The following PHLPP2 variants were observed in gnomAD, a reference collection of about 807,000 sequenced individuals.
PHLPP2 encodes the protein PH domain and leucine rich repeat protein phosphatase 2, also known as PH domain leucine-rich repeat-containing protein phosphatase 2.
Under a neutral mutation model 124.9 loss-of-function variants are expected in PHLPP2, and 66 were observed. That is an observed-to-expected ratio of 0.53 (90% CI 0.43 to 0.65). The LOEUF is 0.65. Among genes scored for constraint, PHLPP2 ranks in the 30% least tolerant of loss-of-function variants. The pLI, the probability that PHLPP2 is intolerant of heterozygous loss-of-function variation, is 0.00. For missense variants in PHLPP2, 1,685 were observed against 1,600.4 expected (o/e 1.05, Z -0.90); for synonymous variants, 681 against 624.7 (o/e 1.09, Z -1.34).
At chr16:71,655,488 T>A in intron 16 of PHLPP2, 54 bp from the exon 17 acceptor site, 1 of 1,327,114 alleles carries the variant, frequency 7.5e-7, no homozygotes, top group East Asian at 2.3e-5. Flanking sequence ...AAAATATTAT[T>A]CTCCAGGGAG....
Position 71,664,109 on chromosome 16 carries a change from C to G in PHLPP2, c.1785-10G>C. 6.3e-7 allele frequency: 1 copy of G among 1,588,394 alleles called. No homozygotes were observed. Among genetic ancestry groups the G allele is most frequent in the Non-Finnish European group, 8.6e-7 (1 of 1,156,518 alleles). ...ATTCAAGTATCTGAGACTGACAGAA[C>G]ACACACAGATCATCACCTCCTTTAA... On this transcript the variant is annotated splice_polypyrimidine_tract_variant and intron_variant, in intron 12 of 18. Transcript: ENST00000568954.
chr16:71,657,415 G>C (rs2044751331), intron 15 of PHLPP2, among the ~76,000 whole-genome samples: 2 of 146,358 alleles, frequency 1.4e-5, no homozygotes, highest in South Asian at 4.3e-4. Context: ...TCTTTTTTGA[G>C]AAGGAGTCTC....
rs770947677 is a variant in PHLPP2, at chr16:71,681,871, G to A, written c.770C>T (p.Ser257Leu). The A allele has an allele frequency of 3.1e-6, 5 of 1,613,400 alleles. No homozygotes were observed. Among genetic ancestry groups the A allele is most frequent in the Admixed American group, 1.7e-5 (1 of 59,914 alleles). Residue 257 changes from serine to leucine, a missense_variant, in exon 6 of 19, where the codon TCG becomes TTG. Transcript: ENST00000568954. The part of the protein sequence containing the change: ...VSQRISTVDL[S>L]CYSLEEVPEH... ...AGGAACCTCCTCGAGGCTGTAACACGAGAGATCCACGGTACTGATTCGCTG... is the reference window on the plus strand; with the variant it reads ...AGGAACCTCCTCGAGGCTGTAACACAAGAGATCCACGGTACTGATTCGCTG...
At chr16:71,674,160 C>T (rs1003113270) in intron 9 of PHLPP2, among the ~76,000 whole-genome samples, 7 of 151,606 alleles carry the variant, frequency 4.6e-5, no homozygotes, top group South Asian at 2.1e-4. Context: ...TCACTGCAAC[C>T]TCCACCTCCG....
intron 8 of PHLPP2, chr16:71,678,113 G>C (rs1370753358): frequency 6.6e-6 from 1 of 152,212 alleles, no homozygotes; most frequent in African/African-American, 2.4e-5. Flanking sequence ...AGGATTACTT[G>C]AGCCAGGGAG....
At chr16:71,713,991 G>A (rs1213219723) in intron 2 of PHLPP2, among the ~76,000 whole-genome samples, 1 of 148,250 alleles carries the variant, frequency 6.7e-6, no homozygotes, top group African/African-American at 2.5e-5. Flanking sequence ...CCAGGCTGCA[G>A]TGCAGTGGCA....
intron 9 of PHLPP2, among the ~76,000 whole-genome samples, chr16:71,674,353 C>T (rs557959956): frequency 2.7e-5 from 4 of 150,224 alleles, no homozygotes; most frequent in Non-Finnish European, 4.4e-5. Context: ...GTTGGGATTA[C>T]GGGCTTGAGC....
At chr16:71,704,784 T>C (rs925762567) in intron 2 of PHLPP2, among the ~76,000 whole-genome samples, 3 of 152,176 alleles carry the variant, frequency 2.0e-5, no homozygotes, top group Admixed American at 2.0e-4. Context: ...TCTATGACAA[T>C]CTTAGGCATT....
rs750616417 is a variant in PHLPP2, at chr16:71,690,618, A to G, written c.510T>C (p.Ala170=). The change falls in exon 4 of 19, where the codon GCT becomes GCC. Residue 170 remains alanine, a synonymous_variant. Transcript: ENST00000568954. Reference sequence around the variant, plus strand: ...TACCACAGAGGACAACTAGGCGCTCAGCCCACTTATGCAGCTGGGTCTTTC... The same window carrying G: ...TACCACAGAGGACAACTAGGCGCTCGGCCCACTTATGCAGCTGGGTCTTTC... ...RKGKTQLHKW[A]ERLVVLCGTC... 3.1e-6 allele frequency: 5 copies of G among 1,611,756 alleles called. No individual in the cohort carries two copies. The South Asian group carries it at 3.3e-5, about 11-fold the overall frequency.
At chr16:71,678,585 G>C in intron 8 of PHLPP2, 170 bp downstream of exon 8, 1 of 586,064 alleles carries the variant, frequency 1.7e-6, no homozygotes, top group Non-Finnish European at 3.0e-6. Context: ...GACTGCAGTG[G>C]GCCGAGATCG....
At chr16:71,655,201 G>C in intron 17 of PHLPP2, 39 bp downstream of exon 17, 1 of 1,388,190 alleles carries the variant, frequency 7.2e-7, no homozygotes, top group Non-Finnish European at 1.0e-6. Flanking sequence ...TTTTCCAAAA[G>C]TAGAACTGAG....
chr16:71,709,723 C>T (rs2045311201), intron 2 of PHLPP2, among the ~76,000 whole-genome samples: 1 of 152,224 alleles, frequency 6.6e-6, no homozygotes, highest in African/African-American at 2.4e-5. Flanking sequence ...AACCTGAACC[C>T]TCTGAGTCTG....
intron 1 of PHLPP2, chr16:71,723,854 T>C: frequency 8.3e-7 from 1 of 1,205,930 alleles, no homozygotes. Context: ...GGGCCCCGGC[T>C]CCACCTCCCC....
intron 4 of PHLPP2, among the ~76,000 whole-genome samples, chr16:71,689,952 G>C (rs1223922052): frequency 6.6e-6 from 1 of 152,134 alleles, no homozygotes; most frequent in Non-Finnish European, 1.5e-5. Flanking sequence ...GTTTATGACA[G>C]TCAAGATTCA....
chr16:71,710,399 G>A (rs939461815), intron 2 of PHLPP2, among the ~76,000 whole-genome samples: 1 of 152,136 alleles, frequency 6.6e-6, no homozygotes, highest in Admixed American at 6.5e-5. Flanking sequence ...ACATAAAGTA[G>A]TAATGAATAA....
intron 2 of PHLPP2, 68 bp from the exon 3 acceptor site, chr16:71,702,799 G>GTACTTT (rs1555548227): frequency 6.6e-6 from 6 of 913,566 alleles, no homozygotes; most frequent in African/African-American, 1.7e-5. Context: ...TAATTTTTTA[G>GTACTTT]TATTTTTATT....
rs1262948974 is a variant in PHLPP2, at chr16:71,714,612, A to T, written c.184T>A (p.Leu62Ile). 10 of 1,613,986 alleles carry T rather than the reference A, an allele frequency of 6.2e-6. No individual in the cohort carries two copies. Among genetic ancestry groups the T allele is most frequent in the Non-Finnish European group, 8.5e-6 (10 of 1,179,982 alleles). Residue 62 changes from leucine (L) to isoleucine (I), a missense_variant, in exon 2 of 19, where the codon TTA becomes ATA. Coordinates refer to ENST00000568954, the MANE Select transcript of PHLPP2 (RefSeq NM_015020.3). ...TCTACAGTGCAAAGGACGAGATGTAAGTCAGAGGAAGAGGAGGAGGAGGAA... is the reference window on the plus strand; with the variant it reads ...TCTACAGTGCAAAGGACGAGATGTATGTCAGAGGAAGAGGAGGAGGAGGAA... ...SSSSSSSSSD[L>I]HLVLCTVETP...
intron 16 of PHLPP2, 67 bp from the exon 17 acceptor site, chr16:71,655,501 T>C: frequency 8.6e-7 from 1 of 1,165,330 alleles, no homozygotes; most frequent in Non-Finnish European, 1.2e-6. Context: ...CCAGGGAGCA[T>C]TCTTTTTTTT....
chr16:71,716,675 C>A (rs1336347321), intron 1 of PHLPP2, among the ~76,000 whole-genome samples: 2 of 152,142 alleles, frequency 1.3e-5, no homozygotes, highest in Non-Finnish European at 2.9e-5. Context: ...CCAAACACAC[C>A]AAGTACACCA....
Sources: gnomAD v4.1 joint callset for allele counts (sites outside exome capture counted in the v4.1 genomes callset) on GRCh38, gnomAD v4.1.1 for gene constraint, MANE v1.5 for transcripts, NCBI Gene and HGNC (gene_info 2026-07-23, HGNC 2026-07-21) for gene names.